Variants in PDCD11 observed in about 807,000 individuals in gnomAD.
PDCD11 encodes protein RRP5 homolog.
Under a neutral mutation model 198.9 loss-of-function variants are expected in PDCD11, and 97 were observed. The observed-to-expected ratio is 0.49, with a 90% confidence interval of 0.41 to 0.58. The LOEUF is 0.58. Among genes scored for constraint, PDCD11 ranks in the 20% least tolerant of loss-of-function variants. The probability of loss-of-function intolerance (pLI) is 0.00; values close to 1 mark genes in which losing one functional copy is unlikely to be tolerated. For missense variants in PDCD11, 2,102 were observed against 2,312.7 expected (o/e 0.91, Z 1.87); for synonymous variants, 893 against 918.0 (o/e 0.97, Z 0.49).
Position 103,434,057 on chromosome 10 carries a change from C to T in PDCD11, c.3564+20C>T. ...TTCAAGGTCAGTGTGCTTGAGATCCCTGGAGAGGGGACCCAAGTTCCCTAA... is the reference window on the plus strand; with the variant it reads ...TTCAAGGTCAGTGTGCTTGAGATCCTTGGAGAGGGGACCCAAGTTCCCTAA... On this transcript the variant is annotated intron_variant, in intron 23 of 35. Coordinates refer to ENST00000369797, the MANE Select transcript of PDCD11 (RefSeq NM_014976.2). 6.3e-7 allele frequency: 1 copy of T among 1,591,788 alleles called. No homozygotes were observed.
intron 17 of PDCD11, among the ~76,000 whole-genome samples, chr10:103,421,835 C>T (rs1471631067): frequency 4.0e-5 from 6 of 150,730 alleles, no homozygotes; most frequent in African/African-American, 9.7e-5. Context: ...GGCGCGGTGG[C>T]GGGCGCCTGT....
intron 21 of PDCD11, 103 bp from the exon 22 acceptor site, chr10:103,432,026 G>A (rs1328498538): frequency 5.0e-6 from 4 of 801,764 alleles, no homozygotes; most frequent in Non-Finnish European, 8.8e-6. Context: ...ATGAGTAGGG[G>A]AGTCCCGTAC....
chr10:103,400,012 C>T (rs953993476), intron 2 of PDCD11, among the ~76,000 whole-genome samples: 2 of 152,114 alleles, frequency 1.3e-5, no homozygotes, highest in African/African-American at 4.8e-5. Flanking sequence ...TAGCTGAAAC[C>T]ACATAGCTTG....
Position 103,405,140 on chromosome 10 carries a change from A to AT in PDCD11, c.522dup (p.Val175CysfsTer8). On this transcript the variant is annotated frameshift_variant, in exon 5 of 36. Coordinates refer to ENST00000369797, the MANE Select transcript of PDCD11 (RefSeq NM_014976.2). LOFTEE classifies it high-confidence loss of function. ...GTCAAGCTGTCTCTGAACCCCAAAA[A>AT]TGTCAACAGAGTGCTGAGTGCTGAG... The AT allele has an allele frequency of 1.2e-6, 2 of 1,614,058 alleles. No individual in the cohort carries two copies. The highest frequency in any genetic ancestry group is 8.5e-7 in the Non-Finnish European group (1 of 1,179,998).
chr10:103,434,364 A>C lies in PDCD11; in HGVS notation c.3667+14A>C. On this transcript the variant is annotated intron_variant, in intron 24 of 35. Transcript: ENST00000369797. The stretch of plus-strand genomic sequence containing the variant: ...TGTCCCTCACAGGTGTGGGGATGAA[A>C]CAGTGCCTGGTCGGGGAAGGGGAGC... 6.5e-7 allele frequency: 1 copy of C among 1,533,676 alleles called. No homozygotes were observed. The highest frequency in any genetic ancestry group is 9.0e-7 in the Non-Finnish European group (1 of 1,107,432).
intron 8 of PDCD11, among the ~76,000 whole-genome samples, 162 bp downstream of exon 8, chr10:103,409,968 G>A (rs1473839518): frequency 6.6e-6 from 1 of 152,220 alleles, no homozygotes; most frequent in Admixed American, 6.5e-5. Context: ...AGATGCAGTG[G>A]CTCATGCTTG....
At chr10:103,406,182 G>A (rs565002078) in intron 6 of PDCD11, 74 bp downstream of exon 6, 1 of 1,540,546 alleles carries the variant, frequency 6.5e-7, no homozygotes, top group East Asian at 2.3e-5. Flanking sequence ...GTGCCATTTT[G>A]ATGAGTAACA....
intron 33 of PDCD11, 150 bp from the exon 34 acceptor site, chr10:103,443,765 C>T: frequency 3.9e-6 from 3 of 777,934 alleles, no homozygotes; most frequent in Non-Finnish European, 2.2e-6. Context: ...GAGCCTCCCT[C>T]CCGCTCCTCT....
At chr10:103,438,206 C>A in intron 26 of PDCD11, 135 bp downstream of exon 26, 1 of 706,542 alleles carries the variant, frequency 1.4e-6, no homozygotes, top group Non-Finnish European at 2.5e-6. Flanking sequence ...ACCTCTTTTA[C>A]CCAGAAAAGC....
In PDCD11 at chr10:103,414,980, G is replaced by A. The variant is rs139548686; in HGVS notation, c.1372-25G>A. 379 of 1,612,646 alleles carry A rather than the reference G, an allele frequency of 2.4e-4. No homozygotes were observed. The African/African-American group carries it at 4.6e-3, about 20-fold the overall frequency. ...GGAAAGGCCATTCTTGAGACATTGT[G>A]GCAGCTTATCTTTGGATTCTCTAGG... On this transcript the variant is annotated intron_variant, in intron 11 of 35. Coordinates refer to ENST00000369797, the MANE Select transcript of PDCD11 (RefSeq NM_014976.2).
chr10:103,437,395 C>T (rs749012059), intron 25 of PDCD11, among the ~76,000 whole-genome samples: 2 of 152,184 alleles, frequency 1.3e-5, no homozygotes, highest in African/African-American at 4.8e-5. Context: ...TCTCCTGCCT[C>T]GGCCTCCCAA....
intron 3 of PDCD11, among the ~76,000 whole-genome samples, chr10:103,401,560 C>T (rs529007077): frequency 7.2e-5 from 11 of 152,238 alleles, no homozygotes; most frequent in East Asian, 5.8e-4. Flanking sequence ...TGAGCCACCG[C>T]GGCCAGCCTG....
In PDCD11 at chr10:103,406,591, C is replaced by T. The variant is rs1428087863; in HGVS notation, c.689-18C>T. 6.2e-7 allele frequency: 1 copy of T among 1,605,408 alleles called. No individual in the cohort carries two copies. The highest frequency in any genetic ancestry group is 8.5e-7 in the Non-Finnish European group (1 of 1,176,228). ...ATAGATACATTTTTCCTTTTGGGGCCTGGGTCTGGGCTTACAGGTGCTAAA... is the reference window on the plus strand; with the variant it reads ...ATAGATACATTTTTCCTTTTGGGGCTTGGGTCTGGGCTTACAGGTGCTAAA... On this transcript the variant is annotated intron_variant, in intron 6 of 35. Coordinates refer to ENST00000369797, the MANE Select transcript of PDCD11 (RefSeq NM_014976.2).
At chr10:103,404,952 A>C in intron 4 of PDCD11, 70 bp from the exon 5 acceptor site, 1 of 1,473,882 alleles carries the variant, frequency 6.8e-7, no homozygotes. Flanking sequence ...TCACTGAGCC[A>C]AAGCTGGGTA....
intron 9 of PDCD11, 38 bp downstream of exon 9, chr10:103,413,360 C>A: frequency 6.5e-7 from 1 of 1,535,654 alleles, no homozygotes; most frequent in South Asian, 1.1e-5. Flanking sequence ...GATCTTATCA[C>A]TGGAAGGACT....
intron 4 of PDCD11, 95 bp downstream of exon 4, chr10:103,403,380 A>C (rs2030235669): frequency 8.6e-7 from 1 of 1,165,820 alleles, no homozygotes; most frequent in Non-Finnish European, 1.2e-6. Flanking sequence ...AAGGGAAAGT[A>C]CAAGGTCCCG....
rs1564753781 is a variant in PDCD11 at position 103,400,429 on chromosome 10, A to G, written c.135A>G (p.Lys45=). Reference sequence around the variant, plus strand: ...CTGAAGAGGGATCCACCAAAAGAAAAAAGAGCCAGAAGGGGCCAGCAAAAA... The same window carrying G: ...CTGAAGAGGGATCCACCAAAAGAAAGAAGAGCCAGAAGGGGCCAGCAAAAA... ...ISTEEGSTKR[K]KSQKGPAKTK... is the part of the protein sequence containing the mutation. Residue 45 remains lysine, a synonymous_variant, in exon 3 of 36, where the codon AAA becomes AAG. Coordinates refer to ENST00000369797, the MANE Select transcript of PDCD11 (RefSeq NM_014976.2). 3 of 1,613,760 alleles carry G rather than the reference A, an allele frequency of 1.9e-6. No homozygotes were observed. Among genetic ancestry groups the G allele is most frequent in the Non-Finnish European group, 2.5e-6 (3 of 1,179,936 alleles).
At chr10:103,400,585 A>G in intron 3 of PDCD11, 57 bp downstream of exon 3, 5 of 1,536,836 alleles carry the variant, frequency 3.3e-6, no homozygotes, top group Middle Eastern at 1.8e-4. Flanking sequence ...AAGTTTGTGT[A>G]TGTTCTTTTT....
At chr10:103,406,298 C>T (rs544545873) in intron 6 of PDCD11, among the ~76,000 whole-genome samples, 190 bp downstream of exon 6, 1 of 152,288 alleles carries the variant, frequency 6.6e-6, no homozygotes, top group South Asian at 2.1e-4. Context: ...GTGGTAAGGT[C>T]TCACTAAGAT....
Sources: gnomAD v4.1 joint callset for allele counts (sites outside exome capture counted in the v4.1 genomes callset) on GRCh38, gnomAD v4.1.1 for gene constraint, MANE v1.5 for transcripts, NCBI Gene and HGNC (gene_info 2026-07-23, HGNC 2026-07-21) for gene names.